Variants in C12orf42 observed in about 807,000 individuals in gnomAD.
The protein encoded by C12orf42 is chromosome 12 open reading frame 42.
A neutral mutation model predicts 21.6 loss-of-function variants in C12orf42; 25 were observed. The ratio of observed to expected loss-of-function variants is 1.16; its 90% CI spans 0.84 to 1.62. The LOEUF (loss-of-function observed/expected upper bound fraction) is 1.62, where lower values mean the gene tolerates loss of function less well. C12orf42 is among the 40% of genes most tolerant of loss of function. The pLI is 0.00. For synonymous variants in C12orf42, 174 were observed against 175.0 expected, an observed-to-expected ratio of 0.99 and a Z score of 0.05; for missense variants, 483 against 459.3, an observed-to-expected ratio of 1.05 and a Z score of -0.47.
chr12:103,204,114 T>G, the C12orf42 span, among the ~76,000 whole-genome samples: 6 of 152,258 alleles, frequency 3.9e-5, no homozygotes, highest in African/African-American at 7.2e-5. Flanking sequence ...TTCTTGGCCC[T>G]GGGAGATGCA....
At chr12:103,524,817 T>G in the C12orf42 span, among the ~76,000 whole-genome samples, 1 of 152,218 alleles carries the variant, frequency 6.6e-6, no homozygotes, top group Non-Finnish European at 1.5e-5. Context: ...CAGGCATGCC[T>G]GTGATATCAC....
the C12orf42 span, among the ~76,000 whole-genome samples, chr12:103,562,846 C>A: frequency 6.6e-6 from 1 of 152,186 alleles, no homozygotes; most frequent in Non-Finnish European, 1.5e-5. Context: ...ATCAGTCCCA[C>A]ACCATTATGT....
chr12:103,494,531 T>C (rs1255844038), intron 1 of C12orf42, among the ~76,000 whole-genome samples: 1 of 150,560 alleles, frequency 6.6e-6, no homozygotes, highest in East Asian at 2.1e-4. Flanking sequence ...TGGGTGGGGG[T>C]TTTTTAAGCA....
chr12:103,508,242 G>A, the C12orf42 span, among the ~76,000 whole-genome samples: 1 of 152,144 alleles, frequency 6.6e-6, no homozygotes, highest in African/African-American at 2.4e-5. Context: ...TTGTGAAAGT[G>A]TGAAAACAAG....
At chr12:103,258,952 TCATAAAATTCA>T (rs764968910) in intron 10 of C12orf42, among the ~76,000 whole-genome samples, 1 of 152,148 alleles carries the variant, frequency 6.6e-6, no homozygotes, top group Non-Finnish European at 1.5e-5. Context: ...AATATGCTGA[TCATAAAATTCA>T]CATAAGAGAA....
At chr12:103,362,522 T>C (rs2044209852) in intron 4 of C12orf42, among the ~76,000 whole-genome samples, 1 of 152,118 alleles carries the variant, frequency 6.6e-6, no homozygotes, top group East Asian at 1.9e-4. Context: ...ATCCCTTATT[T>C]ACCTGAAAAA....
At chr12:103,120,747 AATT>A in the C12orf42 span, among the ~76,000 whole-genome samples, 1 of 148,958 alleles carries the variant, frequency 6.7e-6, no homozygotes, top group South Asian at 2.1e-4. Context: ...TTATTACTAT[AATT>A]ATTATTCTAT....
At chr12:103,234,290 C>T (rs1470534257), downstream of C12orf42, among the ~76,000 whole-genome samples, 1 of 152,088 alleles carries the variant, frequency 6.6e-6, no homozygotes, top group Non-Finnish European at 1.5e-5. Context: ...GTACAATATT[C>T]CATTTATGCC....
the C12orf42 span, among the ~76,000 whole-genome samples, chr12:103,543,038 A>G: frequency 9.9e-5 from 15 of 152,220 alleles, no homozygotes. Flanking sequence ...AGGACTGCCC[A>G]TGATTAAAAA....
Position 103,302,314 on chromosome 12 carries a change from G to A in C12orf42, c.877C>T (p.Arg293Trp), listed in dbSNP as rs1251170925. The change falls in exon 6 of 6, where the codon CGG (arginine) becomes TGG (tryptophan). Residue 293 changes from arginine to tryptophan, a missense_variant. Transcript: ENST00000548883. ...GTGTCCGCCTGAGGCCTCCTGTCCC[G>A]CGGGGTATGAGGATGCTTGGGGAGC... Reference protein sequence around the residue: ...EMLPKHPHTPRDRRPQADTSL... With the variant: ...EMLPKHPHTPWDRRPQADTSL... 3 of 1,613,832 alleles carry A rather than the reference G, an allele frequency of 1.9e-6. No homozygotes were observed. Among genetic ancestry groups the A allele is most frequent in the East Asian group, 2.2e-5 (1 of 44,886 alleles).
At chr12:103,457,063 T>G (rs532069139) in intron 2 of C12orf42, among the ~76,000 whole-genome samples, 2 of 152,290 alleles carry the variant, frequency 1.3e-5, no homozygotes, top group South Asian at 4.1e-4. Context: ...GAATATGATG[T>G]TTCCTCTCCC....
chr12:103,253,467 C>A (rs2034405264), intron 10 of C12orf42, among the ~76,000 whole-genome samples: 1 of 152,086 alleles, frequency 6.6e-6, no homozygotes, highest in Non-Finnish European at 1.5e-5. Flanking sequence ...CCGTTTATTT[C>A]CTCTCTTATT....
At chr12:103,229,787 A>G in the C12orf42 span, among the ~76,000 whole-genome samples, 2 of 152,200 alleles carry the variant, frequency 1.3e-5, no homozygotes, top group Non-Finnish European at 2.9e-5. Context: ...TTTCTCTAAC[A>G]TAGTATTCTA....
chr12:103,365,808 T>C (rs990102027), intron 4 of C12orf42, among the ~76,000 whole-genome samples: 8 of 152,098 alleles, frequency 5.3e-5, no homozygotes, highest in African/African-American at 1.9e-4. Context: ...TACAAAATAC[T>C]GCTGAAAGAA....
At chr12:103,476,146 A>G (rs1189617713) in intron 2 of C12orf42, among the ~76,000 whole-genome samples, 1 of 152,244 alleles carries the variant, frequency 6.6e-6, no homozygotes, top group African/African-American at 2.4e-5. Flanking sequence ...AATTTAAAGA[A>G]AACATAGATA....
chr12:103,558,090 A>C, the C12orf42 span: 6 of 152,146 alleles, frequency 3.9e-5, no homozygotes, highest in Non-Finnish European at 7.3e-5. Context: ...TCTACTCTCC[A>C]TTTCCACTGC....
rs184203501 is a variant in C12orf42, at chr12:103,482,183, G to C, written c.-21-3736C>G. ...TCAGCCTTTTTTGCATCTCAAATCT[G>C]TCTGGGATTACATTTTTCCTTCTTA... On this transcript the variant is annotated intron_variant, in intron 1 of 5. Coordinates refer to ENST00000548883, the MANE Select transcript of C12orf42 (RefSeq NM_198521.5). 1.6e-4 allele frequency among the ~76,000 whole-genome samples: 24 copies of C among 152,098 alleles called. 1 individual carries two copies. The highest frequency in any genetic ancestry group is 5.8e-4 in the African/African-American group (24 of 41,510).
chr12:103,065,418 C>T, the C12orf42 span, among the ~76,000 whole-genome samples: 1 of 152,166 alleles, frequency 6.6e-6, no homozygotes, highest in Non-Finnish European at 1.5e-5. Context: ...AAGAAATTTG[C>T]CTTCAGCTGG....
At chr12:103,414,069 T>C (rs1291899977) in intron 2 of C12orf42, among the ~76,000 whole-genome samples, 4 of 152,300 alleles carry the variant, frequency 2.6e-5, no homozygotes, top group East Asian at 1.9e-4. Context: ...GGAATCTCCA[T>C]ATAGTTTTCC....
Sources: gnomAD v4.1 joint callset for allele counts (sites outside exome capture counted in the v4.1 genomes callset) on GRCh38, gnomAD v4.1.1 for gene constraint, MANE v1.5 for transcripts, NCBI Gene and HGNC (gene_info 2026-07-23, HGNC 2026-07-21) for gene names.